Variants in CENPX observed in about 807,000 individuals in gnomAD.
CENPX encodes FANCM associated histone fold protein 2.
Under a neutral mutation model 13.2 loss-of-function variants are expected in CENPX, and 13 were observed. The observed-to-expected ratio is 0.98, with a 90% CI of 0.64 to 1.56. The LOEUF is 1.56. CENPX is among the 40% of genes most tolerant of loss of function. CENPX has a pLI of 0.00. For missense variants in CENPX, 138 were observed against 107.5 expected, an observed-to-expected ratio of 1.28 and a Z score of -1.26; for synonymous variants, 66 against 47.2, an observed-to-expected ratio of 1.40 and a Z score of -1.63.
At chr17:82,020,919 G>A (rs2043269963) in intron 1 of CENPX, among the ~76,000 whole-genome samples, 1 of 152,194 alleles carries the variant, frequency 6.6e-6, no homozygotes, top group Non-Finnish European at 1.5e-5. Flanking sequence ...GCCCTGGGTG[G>A]CTGGTGGAGC....
At chr17:82,022,179 G>A (rs938310160) in intron 1 of CENPX, among the ~76,000 whole-genome samples, 1 of 152,226 alleles carries the variant, frequency 6.6e-6, no homozygotes, top group African/African-American at 2.4e-5. Context: ...CCAGGAACAG[G>A]GAAGAGCAGG....
At chr17:82,022,001 A>T (rs1044050070) in intron 1 of CENPX, among the ~76,000 whole-genome samples, 6 of 152,230 alleles carry the variant, frequency 3.9e-5, no homozygotes, top group East Asian at 3.9e-4. Context: ...ATGGGTTCAC[A>T]AGGGCCTGAG....
At chr17:82,021,606 C>A (rs534775822) in intron 1 of CENPX, among the ~76,000 whole-genome samples, 1 of 152,336 alleles carries the variant, frequency 6.6e-6, no homozygotes, top group African/African-American at 2.4e-5. Flanking sequence ...GCCAGGGCTA[C>A]GGGCCCCCCA....
At chr17:82,021,346 C>T (rs2043278061) in intron 1 of CENPX, among the ~76,000 whole-genome samples, 1 of 152,238 alleles carries the variant, frequency 6.6e-6, no homozygotes, top group African/African-American at 2.4e-5. Context: ...TTACTGCCAG[C>T]AGTACCAGAA....
rs1455601556 is a variant in CENPX, at chr17:82,018,959, G to T, written c.*246C>A. ...ATGCACACTATTGTCCCAGGGAGGAGAGGCAGGGACTCCCCAGGTGCTGCC... is the reference window on the plus strand; with the variant it reads ...ATGCACACTATTGTCCCAGGGAGGATAGGCAGGGACTCCCCAGGTGCTGCC... On this transcript the variant is annotated 3_prime_UTR_variant, in exon 5 of 5. Transcript: ENST00000392359. 2.2e-6 allele frequency: 1 copy of T among 449,296 alleles called. No individual in the cohort carries two copies. The highest frequency in any genetic ancestry group is 9.0e-5 in the South Asian group (1 of 11,166). 27.8% of individuals were successfully genotyped at this position (449,296 alleles called of 1,614,324 possible).
Position 82,019,212 on chromosome 17 carries a change from T to C in CENPX, c.239A>G (p.Asp80Gly), listed in dbSNP as rs1358269903. The change falls in exon 5 of 5, where the codon GAC (aspartate) becomes GGC (glycine). Residue 80 changes from aspartate to glycine, a missense_variant. Coordinates refer to ENST00000392359, the MANE Select transcript of CENPX (RefSeq NM_001271006.2). ...CAGCCACGGCTGAGATCCCTAGAAGTCCAGGAGCTGTGGGGAAGAGAAGCA... is the reference window on the plus strand; with the variant it reads ...CAGCCACGGCTGAGATCCCTAGAAGCCCAGGAGCTGTGGGGAAGAGAAGCA... The part of the protein sequence containing the change: ...LEKVLPQLLL[D>G]F The C allele has an allele frequency of 6.3e-7, 1 of 1,584,850 alleles. No homozygotes were observed. Among genetic ancestry groups the C allele is most frequent in the South Asian group, 1.1e-5 (1 of 88,452 alleles).
At chr17:82,022,565 G>T in intron 1 of CENPX, 2 of 561,052 alleles carry the variant, frequency 3.6e-6, no homozygotes, top group South Asian at 4.3e-5. Context: ...CGCCGTGACG[G>T]CGCCCACCCC....
At chr17:82,019,448 T>C in intron 3 of CENPX, 67 bp from the exon 4 acceptor site, 1 of 1,516,834 alleles carries the variant, frequency 6.6e-7, no homozygotes, top group Non-Finnish European at 8.8e-7. Context: ...AGTGAGGGCC[T>C]CAGCCTGGGC....
In CENPX at chr17:82,018,794, G is replaced by A; in HGVS notation, c.*411C>T. The A allele has an allele frequency of 3.4e-6, 1 of 293,026 alleles. No homozygotes were observed. Among genetic ancestry groups the A allele is most frequent in the Non-Finnish European group, 6.3e-6 (1 of 158,256 alleles). 18.2% of individuals were successfully genotyped at this position (293,026 alleles called of 1,614,324 possible). A position where few individuals can be genotyped will look rare whatever the true frequency, so the allele number is the denominator to read the frequency against. On this transcript the variant is annotated 3_prime_UTR_variant, in exon 5 of 5. Transcript: ENST00000392359. The stretch of plus-strand genomic sequence containing the variant: ...CTTCCAAGGGGAATATCGCATGGCT[G>A]GAAAGGTCACACGCCAGCTTTGATG...
At chr17:82,019,756 CAT>C (rs760361816) in intron 2 of CENPX, 62 bp from the exon 3 acceptor site, 294 of 1,550,016 alleles carry the variant, frequency 1.9e-4, no homozygotes, top group Non-Finnish European at 1.9e-4. Context: ...GTGCTCCAGA[CAT>C]ACCCCCGCCC....
chr17:82,022,671 GGC>G (rs2043310374), intron 1 of CENPX, 153 bp downstream of exon 1: 1 of 879,460 alleles, frequency 1.1e-6, no homozygotes, highest in Non-Finnish European at 1.7e-6. Context: ...GAGGGCGCGG[GGC>G]GCGCGGCCCG....
intron 1 of CENPX, 117 bp downstream of exon 1, chr17:82,022,709 C>G: frequency 2.4e-6 from 3 of 1,265,458 alleles, no homozygotes; most frequent in Non-Finnish European, 3.3e-6. Flanking sequence ...TGAGAACGGG[C>G]CCAACCTCAA....
chr17:82,022,837 C>G lies in CENPX; in HGVS notation c.25G>C (p.Gly9Arg), dbSNP rs1045049325. The G allele has an allele frequency of 6.3e-7, 1 of 1,592,688 alleles. No individual in the cohort carries two copies. The highest frequency in any genetic ancestry group is 1.7e-5 in the Admixed American group (1 of 57,986). The change falls in exon 1 of 5, where the codon GGC (glycine) becomes CGC (arginine). Residue 9 changes from glycine to arginine, a missense_variant. Transcript: ENST00000392359. The part of the protein sequence containing the change: MEGAGAGS[G>R]FRKELVSRLL... The stretch of plus-strand genomic sequence containing the variant: ...CCTCCGGCCCTCACCTTCCGGAAGC[C>G]GGATCCAGCTCCTGCTCCCTCCATG...
chr17:82,020,095 T>C (rs1404667269), intron 1 of CENPX, among the ~76,000 whole-genome samples, 186 bp from the exon 2 acceptor site: 1 of 152,148 alleles, frequency 6.6e-6, no homozygotes. Context: ...AGCAGATGCG[T>C]GGGCAGCTCC....
At chr17:82,019,271 G>C (rs1293413164) in intron 4 of CENPX, 22 bp downstream of exon 4, 2 of 1,595,666 alleles carry the variant, frequency 1.3e-6, no homozygotes, top group South Asian at 2.2e-5. Context: ...CCCCACTTGC[G>C]CCCCGACCCA....
Position 82,019,368 on chromosome 17 carries a change from GCGGACTGCTGCT to G in CENPX, c.144_155del (p.Glu48_Arg52delinsAsp). The G allele has an allele frequency of 6.4e-7, 1 of 1,554,874 alleles. No individual in the cohort carries two copies. On this transcript the variant is annotated inframe_deletion and splice_region_variant, in exon 4 of 5. Coordinates refer to ENST00000392359, the MANE Select transcript of CENPX (RefSeq NM_001271006.2). ...CTTCTGCCTGGGCCTGCCGCACGCC[GCGGACTGCTGCT>G]TCTGCGGTGAGAAACGCGAGAGGTG...
rs1400572406 is a variant in CENPX, at chr17:82,019,362, C to T, written c.162G>A (p.Val54=). The part of the protein sequence containing the change: ...VFVVEAAVRG[V]RQAQAEDALR... ...GCGCGTCTTCTGCCTGGGCCTGCCG[C>T]ACGCCGCGGACTGCTGCTTCTGCGG... The change falls in exon 4 of 5, where the codon GTG becomes GTA. Residue 54 remains valine, a synonymous_variant. Transcript: ENST00000392359. The T allele has an allele frequency of 6.4e-7, 1 of 1,561,060 alleles. No homozygotes were observed. The highest frequency in any genetic ancestry group is 8.7e-7 in the Non-Finnish European group (1 of 1,155,124).
At chr17:82,021,208 G>A (rs979085652) in intron 1 of CENPX, among the ~76,000 whole-genome samples, 34 of 152,220 alleles carry the variant, frequency 2.2e-4, no homozygotes, top group African/African-American at 7.2e-4. Flanking sequence ...CCCCAGCAGC[G>A]GGCAGCAGGG....
intron 1 of CENPX, among the ~76,000 whole-genome samples, chr17:82,022,315 T>C (rs926018605): frequency 1.3e-5 from 2 of 152,090 alleles, no homozygotes; most frequent in Admixed American, 6.5e-5. Flanking sequence ...CCCTGTCAAG[T>C]GTGTGTAACG....
Sources: allele counts gnomAD v4.1 joint callset (sites outside exome capture counted in the v4.1 genomes callset), GRCh38; gene constraint gnomAD v4.1.1; transcripts MANE v1.5; gene names NCBI Gene and HGNC (gene_info 2026-07-23, HGNC 2026-07-21).